ME3: variants seen among roughly 807,000 people sequenced by gnomAD.
ME3 encodes the protein NADP-dependent malic enzyme, mitochondrial.
Under a neutral mutation model 68.9 loss-of-function variants are expected in ME3, and 48 were observed. That is an observed-to-expected ratio of 0.70 (90% CI 0.55 to 0.89). ME3 has a LOEUF of 0.89. Ranked by LOEUF, ME3 falls within the 40% of genes least tolerant of loss-of-function variation. ME3 has a pLI of 0.00. For missense variants in ME3, 675 were observed against 797.4 expected (o/e 0.85, Z 1.85); for synonymous variants, 320 against 318.8 (o/e 1.00, Z -0.04).
At chr11:86,670,596 T>G (rs1324569306) in intron 2 of ME3, among the ~76,000 whole-genome samples, 1 of 152,178 alleles carries the variant, frequency 6.6e-6, no homozygotes, top group Non-Finnish European at 1.5e-5. Context: ...GACTCCAATG[T>G]GATAGAGGTT....
chr11:86,606,809 T>C (rs1321264885), intron 2 of ME3, among the ~76,000 whole-genome samples: 2 of 152,224 alleles, frequency 1.3e-5, no homozygotes, highest in African/African-American at 4.8e-5. Flanking sequence ...AATCTGGCTG[T>C]GGGTTAACTA....
At chr11:86,588,511 G>A (rs927945949) in intron 2 of ME3, among the ~76,000 whole-genome samples, 4 of 152,150 alleles carry the variant, frequency 2.6e-5, no homozygotes, top group Non-Finnish European at 5.9e-5. Context: ...CTAAGTCAAA[G>A]GAGACCCCAT....
intron 7 of ME3, among the ~76,000 whole-genome samples, chr11:86,471,480 C>T (rs1950781458): frequency 6.6e-6 from 1 of 152,060 alleles, no homozygotes; most frequent in African/African-American, 2.4e-5. Context: ...TTTCCCTACC[C>T]TTAAAATAGT....
intron 2 of ME3, among the ~76,000 whole-genome samples, chr11:86,596,487 TACTGGATACTCCTAAGTAGTTCTCACTCA>T (rs1223521189): frequency 6.6e-6 from 1 of 152,118 alleles, no homozygotes; most frequent in Non-Finnish European, 1.5e-5. Context: ...TAACCAGGAG[TACTGGATACTCCTAAGTAGTTCTCACTCA>T]AAATTCTGCC....
chr11:86,530,824 C>T (rs1427427862), intron 4 of ME3, among the ~76,000 whole-genome samples: 1 of 152,168 alleles, frequency 6.6e-6, no homozygotes, highest in Non-Finnish European at 1.5e-5. Flanking sequence ...GGATCCCTTC[C>T]TTACACCTTA....
intron 2 of ME3, among the ~76,000 whole-genome samples, chr11:86,560,103 A>T (rs1957134138): frequency 6.6e-6 from 1 of 152,188 alleles, no homozygotes; most frequent in Middle Eastern, 3.4e-3. Flanking sequence ...TATTTTTTAG[A>T]ACAGTGATAT....
At chr11:86,490,784 AT>A (rs1951955419) in intron 6 of ME3, among the ~76,000 whole-genome samples, 1 of 152,226 alleles carries the variant, frequency 6.6e-6, no homozygotes, top group Non-Finnish European at 1.5e-5. Context: ...ATGGTGAGTT[AT>A]AATTTGGAAT....
chr11:86,442,261 C>G (rs1170613224), intron 14 of ME3, among the ~76,000 whole-genome samples: 1 of 152,128 alleles, frequency 6.6e-6, no homozygotes, highest in East Asian at 1.9e-4. Flanking sequence ...CACCCCATAG[C>G]CAGCCATTCT....
chr11:86,477,907 G>T (rs557862645), intron 7 of ME3, among the ~76,000 whole-genome samples: 1 of 152,222 alleles, frequency 6.6e-6, no homozygotes, highest in South Asian at 2.1e-4. Context: ...AAATCTGGCT[G>T]TTGTTCTTCT....
chr11:86,556,868 A>G (rs1315963878), intron 3 of ME3, among the ~76,000 whole-genome samples, 166 bp from the exon 4 acceptor site: 1 of 152,236 alleles, frequency 6.6e-6, no homozygotes, highest in African/African-American at 2.4e-5. Context: ...AAATGTGAAG[A>G]TGACCTGCTT....
chr11:86,644,914 A>G (rs654286), intron 2 of ME3, among the ~76,000 whole-genome samples: 150,109 of 152,280 alleles, frequency 0.99, 74,011 homozygotes, highest in Non-Finnish European at 1. Flanking sequence ...TAGAGGGTGA[A>G]CAGAAGCAGG....
chr11:86,628,019 A>G (rs1225751100), intron 2 of ME3, among the ~76,000 whole-genome samples: 1 of 152,226 alleles, frequency 6.6e-6, no homozygotes, highest in Non-Finnish European at 1.5e-5. Flanking sequence ...GTACTGTGCT[A>G]CGCAGCCTGA....
At chr11:86,663,608 G>A (rs1441403049) in intron 2 of ME3, among the ~76,000 whole-genome samples, 1 of 152,176 alleles carries the variant, frequency 6.6e-6, no homozygotes, top group Admixed American at 6.5e-5. Context: ...CAAAAGTGCT[G>A]CACATTAGTG....
chr11:86,544,095 C>A (rs566495404), intron 4 of ME3, among the ~76,000 whole-genome samples: 5 of 152,202 alleles, frequency 3.3e-5, no homozygotes, highest in Admixed American at 3.3e-4. Context: ...TAAATAAGTT[C>A]TTTGAAATCA....
chr11:86,521,099 T>C (rs895402522), intron 4 of ME3, among the ~76,000 whole-genome samples: 7 of 152,192 alleles, frequency 4.6e-5, no homozygotes, highest in Admixed American at 6.5e-5. Context: ...ATTATTAAAA[T>C]GTAGCTGTGG....
At chr11:86,508,935 T>C (rs1953295026) in intron 4 of ME3, 68 bp from the exon 5 acceptor site, 3 of 1,238,942 alleles carry the variant, frequency 2.4e-6, no homozygotes, top group African/African-American at 1.5e-5. Flanking sequence ...GCAAAGTCCA[T>C]AGTACTAGGT....
intron 2 of ME3, among the ~76,000 whole-genome samples, chr11:86,651,850 A>G (rs1305978008): frequency 6.6e-6 from 1 of 152,194 alleles, no homozygotes; most frequent in Non-Finnish European, 1.5e-5. Context: ...ACCTTGAAAA[A>G]AGATTAGACG....
At chr11:86,546,768 A>C (rs1249278650) in intron 4 of ME3, among the ~76,000 whole-genome samples, 3 of 152,194 alleles carry the variant, frequency 2.0e-5, no homozygotes, top group Non-Finnish European at 1.5e-5. Flanking sequence ...CGATTCCTCG[A>C]AGATGTAGAA....
intron 2 of ME3, among the ~76,000 whole-genome samples, chr11:86,633,612 GGA>G (rs770244661): frequency 1.3e-5 from 2 of 152,168 alleles, no homozygotes; most frequent in Non-Finnish European, 2.9e-5. Context: ...TGGTTGTGAG[GGA>G]GAGGAAGGTA....
Sources: allele counts gnomAD v4.1 joint callset (sites outside exome capture counted in the v4.1 genomes callset), GRCh38; gene constraint gnomAD v4.1.1; transcripts MANE v1.5; gene names NCBI Gene and HGNC (gene_info 2026-07-23, HGNC 2026-07-21).